The following LOC122539214 variants were observed in gnomAD, a reference collection of about 807,000 sequenced individuals.
At chr19:52,681,395 G>C in the LOC122539214 span, among the ~76,000 whole-genome samples, 1 of 151,350 alleles carries the variant, frequency 6.6e-6, no homozygotes, top group Non-Finnish European at 1.5e-5. Context: ...GTGGTGTCTA[G>C]AGAGGACAAA....
the LOC122539214 span, among the ~76,000 whole-genome samples, chr19:52,664,409 T>A: frequency 6.6e-6 from 1 of 151,946 alleles, no homozygotes; most frequent in Non-Finnish European, 1.5e-5. Flanking sequence ...AGTGGGAGGA[T>A]CCGTTGAACC....
At chr19:52,654,411 A>G in the LOC122539214 span, 1 of 1,084,014 alleles carries the variant, frequency 9.2e-7, no homozygotes, top group African/African-American at 1.6e-5. Context: ...TATCTAAAAA[A>G]TATAAAGACC....
chr19:52,680,772 C>G, the LOC122539214 span, among the ~76,000 whole-genome samples: 6 of 145,936 alleles, frequency 4.1e-5, no homozygotes, highest in African/African-American at 8.0e-5. Context: ...GCCACTACGC[C>G]CGGCTAATTT....
At chr19:52,661,534 C>T in the LOC122539214 span, among the ~76,000 whole-genome samples, 3 of 152,164 alleles carry the variant, frequency 2.0e-5, no homozygotes, top group Non-Finnish European at 2.9e-5. Flanking sequence ...CCAGCGCCAT[C>T]GTATTATTGA....
the LOC122539214 span, among the ~76,000 whole-genome samples, chr19:52,680,769 C>T: frequency 2.1e-5 from 3 of 145,606 alleles, no homozygotes; most frequent in Admixed American, 6.7e-5. Context: ...CCCGCCACTA[C>T]GCCCGGCTAA....
chr19:52,683,226 CTCTGTGTGTGTG>C, the LOC122539214 span, among the ~76,000 whole-genome samples: 1,485 of 135,744 alleles, frequency 0.011, 6 homozygotes, highest in African/African-American at 0.018. Flanking sequence ...TGCCCTGTGA[CTCTGTGTGTGTG>C]TGTGTGTGTG....
the LOC122539214 span, among the ~76,000 whole-genome samples, chr19:52,683,476 C>G: frequency 7.1e-6 from 1 of 140,496 alleles, no homozygotes; most frequent in Non-Finnish European, 1.5e-5. Context: ...GTCCTTCATG[C>G]CCCTCAGGTC....
chr19:52,671,689 C>A, the LOC122539214 span, among the ~76,000 whole-genome samples: 7 of 152,154 alleles, frequency 4.6e-5, no homozygotes, highest in Admixed American at 2.0e-4. Flanking sequence ...GCGATCAACC[C>A]ACCTTTGCTT....
the LOC122539214 span, among the ~76,000 whole-genome samples, chr19:52,687,597 A>AGTTATATG: frequency 3.0e-3 from 45 of 14,964 alleles, 14 homozygotes; most frequent in African/African-American, 0.013. Flanking sequence ...TATATATATA[A>AGTTATATG]TGTATATATA....
the LOC122539214 span, among the ~76,000 whole-genome samples, chr19:52,656,389 G>A: frequency 6.6e-6 from 1 of 152,054 alleles, no homozygotes; most frequent in African/African-American, 2.4e-5. Flanking sequence ...GGGCATGGTG[G>A]GGGAATGTGC....
the LOC122539214 span, among the ~76,000 whole-genome samples, chr19:52,659,081 C>T: frequency 6.6e-6 from 1 of 152,050 alleles, no homozygotes; most frequent in East Asian, 1.9e-4. Flanking sequence ...GGCCAGGGTC[C>T]GTGGGCAGAC....
the LOC122539214 span, chr19:52,655,796 CA>C: frequency 3.4e-6 from 2 of 583,172 alleles, no homozygotes; most frequent in South Asian, 4.6e-5. Context: ...GGTGTTCTGA[CA>C]AACCCACATT....
chr19:52,678,322 C>T, the LOC122539214 span, among the ~76,000 whole-genome samples: 1,451 of 150,114 alleles, frequency 9.7e-3, 32 homozygotes, highest in African/African-American at 0.033. Context: ...TGGTGGCAGG[C>T]GCCTATAATC....
chr19:52,655,992 A>G, the LOC122539214 span, among the ~76,000 whole-genome samples: 1 of 151,466 alleles, frequency 6.6e-6, no homozygotes, highest in Non-Finnish European at 1.5e-5. Flanking sequence ...GGGTGTATCA[A>G]CTGAGCTCAG....
chr19:52,674,885 A>G, the LOC122539214 span, among the ~76,000 whole-genome samples: 6 of 152,328 alleles, frequency 3.9e-5, no homozygotes, highest in Non-Finnish European at 7.4e-5. Flanking sequence ...TTTTTGTCAA[A>G]GAAACAAAAA....
the LOC122539214 span, among the ~76,000 whole-genome samples, chr19:52,677,187 C>CA: frequency 6.9e-6 from 1 of 144,244 alleles, no homozygotes; most frequent in Non-Finnish European, 1.5e-5. Context: ...AAAACAAAAA[C>CA]AAAAACAAAA....
the LOC122539214 span, among the ~76,000 whole-genome samples, chr19:52,683,703 TCTC>T: frequency 6.6e-6 from 1 of 152,142 alleles, no homozygotes; most frequent in African/African-American, 2.4e-5. Context: ...AGAGAGGCCT[TCTC>T]CTCTTATTTT....
the LOC122539214 span, among the ~76,000 whole-genome samples, chr19:52,688,027 C>T: frequency 6.6e-6 from 1 of 151,976 alleles, no homozygotes; most frequent in Middle Eastern, 3.2e-3. Context: ...GTACATGTCT[C>T]ATAGACAGGA....
At chr19:52,664,128 C>T in the LOC122539214 span, among the ~76,000 whole-genome samples, 1 of 151,990 alleles carries the variant, frequency 6.6e-6, no homozygotes, top group Non-Finnish European at 1.5e-5. Flanking sequence ...AGGTGATCCA[C>T]CAGCCTTGGC....
Sources: gnomAD v4.1 joint callset for allele counts (sites outside exome capture counted in the v4.1 genomes callset) on GRCh38, gnomAD v4.1.1 for gene constraint, MANE v1.5 for transcripts.